RPS6KC1: variants seen among roughly 807,000 people sequenced by gnomAD.
RPS6KC1 encodes ribosomal protein S6 kinase C1.
Under a neutral mutation model 103.8 loss-of-function variants are expected in RPS6KC1, and 54 were observed. The observed-to-expected ratio is 0.52, with a 90% CI of 0.42 to 0.65. The LOEUF is 0.65. Ranked by LOEUF, RPS6KC1 falls within the 30% of genes least tolerant of loss-of-function variation. RPS6KC1 has a pLI of 0.00. For synonymous variants in RPS6KC1, 439 were observed against 438.7 expected (o/e 1.00, Z -0.01); for missense variants, 1,151 against 1,253.8 (o/e 0.92, Z 1.24).
At chr1:213,281,262 T>C in the RPS6KC1 span, among the ~76,000 whole-genome samples, 1 of 152,216 alleles carries the variant, frequency 6.6e-6, no homozygotes, top group Non-Finnish European at 1.5e-5. Flanking sequence ...GTCTTTCAAG[T>C]GTAAGGCTCC....
chr1:213,293,546 G>C, the RPS6KC1 span, among the ~76,000 whole-genome samples: 4 of 152,136 alleles, frequency 2.6e-5, no homozygotes, highest in Admixed American at 6.5e-5. Flanking sequence ...TGGGGAAATA[G>C]GCTATTTTTC....
chr1:213,467,980 G>T, the RPS6KC1 span, among the ~76,000 whole-genome samples: 1 of 152,070 alleles, frequency 6.6e-6, no homozygotes. Context: ...AAACAATTAC[G>T]AAGAAAAAGA....
the RPS6KC1 span, among the ~76,000 whole-genome samples, chr1:213,463,931 A>C: frequency 6.6e-6 from 1 of 152,170 alleles, no homozygotes; most frequent in Non-Finnish European, 1.5e-5. Flanking sequence ...AATAATCAAC[A>C]TTATAAATGC....
the RPS6KC1 span, among the ~76,000 whole-genome samples, chr1:213,570,241 G>T: frequency 6.6e-6 from 1 of 152,134 alleles, no homozygotes; most frequent in Non-Finnish European, 1.5e-5. Flanking sequence ...TACCAAAAGG[G>T]ATACTCATAG....
chr1:213,711,290 T>C, the RPS6KC1 span, among the ~76,000 whole-genome samples: 1 of 152,180 alleles, frequency 6.6e-6, no homozygotes, highest in African/African-American at 2.4e-5. Context: ...TTTCTTCCAC[T>C]TGATCGATTC....
chr1:213,436,297 T>A, the RPS6KC1 span, among the ~76,000 whole-genome samples: 1 of 152,266 alleles, frequency 6.6e-6, no homozygotes, highest in Non-Finnish European at 1.5e-5. Flanking sequence ...TATATGTGGT[T>A]AATGTACAGC....
At chr1:213,152,219 C>T (rs1187288570) in intron 6 of RPS6KC1, among the ~76,000 whole-genome samples, 4 of 139,940 alleles carry the variant, frequency 2.9e-5, no homozygotes, top group African/African-American at 1.1e-4. Flanking sequence ...GGCGGCTGGC[C>T]GGGCGGGGGG....
the RPS6KC1 span, among the ~76,000 whole-genome samples, chr1:213,798,137 T>C: frequency 6.6e-6 from 1 of 152,180 alleles, no homozygotes; most frequent in Admixed American, 6.5e-5. Context: ...TCCCAGTGCC[T>C]ATCAGAAGCA....
chr1:213,633,733 A>G, the RPS6KC1 span, among the ~76,000 whole-genome samples: 1 of 151,908 alleles, frequency 6.6e-6, no homozygotes, highest in Non-Finnish European at 1.5e-5. Context: ...AAATGGCCCA[A>G]TTAAAAGACA....
chr1:213,080,167 C>T (rs990521371), intron 3 of RPS6KC1, among the ~76,000 whole-genome samples: 1 of 152,146 alleles, frequency 6.6e-6, no homozygotes, highest in Non-Finnish European at 1.5e-5. Context: ...ATCTGGCCTC[C>T]TTGGCCTCCC....
chr1:213,717,539 C>T, the RPS6KC1 span, among the ~76,000 whole-genome samples: 3 of 152,022 alleles, frequency 2.0e-5, no homozygotes, highest in Non-Finnish European at 1.5e-5. Flanking sequence ...TGGTGTTGGC[C>T]AGAAAAGAAA....
At chr1:213,207,746 T>C (rs1376244952) in intron 8 of RPS6KC1, among the ~76,000 whole-genome samples, 1 of 152,140 alleles carries the variant, frequency 6.6e-6, no homozygotes, top group Non-Finnish European at 1.5e-5. Context: ...CGATCTCAGC[T>C]CACTGCAACC....
chr1:213,365,937 G>A, the RPS6KC1 span, among the ~76,000 whole-genome samples: 12 of 152,244 alleles, frequency 7.9e-5, no homozygotes, highest in Non-Finnish European at 1.3e-4. Flanking sequence ...CAGGTGGCAG[G>A]CCAGATTTGG....
chr1:213,348,083 C>T, the RPS6KC1 span, among the ~76,000 whole-genome samples: 2 of 152,102 alleles, frequency 1.3e-5, no homozygotes, highest in Non-Finnish European at 2.9e-5. Flanking sequence ...ATCTCTTTAC[C>T]GAGTCTAAGG....
At chr1:213,433,140 G>A in the RPS6KC1 span, among the ~76,000 whole-genome samples, 2 of 152,154 alleles carry the variant, frequency 1.3e-5, no homozygotes, top group African/African-American at 2.4e-5. Flanking sequence ...GCCTTTTCCA[G>A]TTTCTAGAGG....
At chr1:213,792,736 G>A in the RPS6KC1 span, among the ~76,000 whole-genome samples, 1 of 152,122 alleles carries the variant, frequency 6.6e-6, no homozygotes. Flanking sequence ...ATACTGTAAA[G>A]CATTACTTTC....
the RPS6KC1 span, among the ~76,000 whole-genome samples, chr1:213,392,442 G>C: frequency 6.6e-6 from 1 of 152,132 alleles, no homozygotes; most frequent in Non-Finnish European, 1.5e-5. Context: ...CAGGGCTGGG[G>C]ATACTGCTGT....
the RPS6KC1 span, among the ~76,000 whole-genome samples, chr1:213,383,969 T>C: frequency 3.9e-5 from 6 of 152,276 alleles, no homozygotes; most frequent in South Asian, 1.2e-3. Flanking sequence ...GACAGGGGAA[T>C]TAATCCATAT....
intron 6 of RPS6KC1, among the ~76,000 whole-genome samples, chr1:213,135,092 GTTCTA>G (rs2086124651): frequency 1.3e-5 from 2 of 152,284 alleles, no homozygotes; most frequent in Non-Finnish European, 2.9e-5. Context: ...TGTTGAAGAA[GTTCTA>G]TTCTATTCCT....
Sources: gnomAD v4.1 joint callset for allele counts (sites outside exome capture counted in the v4.1 genomes callset) on GRCh38, gnomAD v4.1.1 for gene constraint, MANE v1.5 for transcripts, NCBI Gene and HGNC (gene_info 2026-07-23, HGNC 2026-07-21) for gene names.